Variants in HLCS observed in about 807,000 individuals in gnomAD.
The protein encoded by HLCS is holocarboxylase synthetase.
In HLCS, 53 loss-of-function variants were observed where a neutral mutation model predicts 75.0. That is an observed-to-expected ratio of 0.71 (90% CI 0.57 to 0.89). The LOEUF (loss-of-function observed/expected upper bound fraction) is 0.89, where lower values mean the gene tolerates loss of function less well. HLCS is among the 40% of genes least tolerant of loss of function. The pLI, the probability that HLCS is intolerant of heterozygous loss-of-function variation, is 0.00. For missense variants in HLCS, 966 were observed against 1,074.0 expected, an observed-to-expected ratio of 0.90 and a Z score of 1.41; for synonymous variants, 431 against 428.6, an observed-to-expected ratio of 1.01 and a Z score of -0.07.
At chr21:36,767,146 G>C in intron 7 of HLCS, 72 bp downstream of exon 7, 1 of 1,440,072 alleles carries the variant, frequency 6.9e-7, no homozygotes, top group African/African-American at 1.4e-5. Flanking sequence ...ACATTCAATG[G>C]GCTCCTGGGC....
At chr21:36,826,690 C>T (rs923511094) in intron 6 of HLCS, among the ~76,000 whole-genome samples, 2 of 152,164 alleles carry the variant, frequency 1.3e-5, no homozygotes, top group Non-Finnish European at 2.9e-5. Flanking sequence ...TTACAATTCA[C>T]GCTATGCACT....
intron 1 of HLCS, among the ~76,000 whole-genome samples, chr21:36,980,026 CAAAAAAAAAAAAA>C (rs71198844): frequency 1.1e-3 from 62 of 55,122 alleles, no homozygotes; most frequent in Non-Finnish European, 1.5e-3. Flanking sequence ...GTCCCCATCT[CAAAAAAAAAAAAA>C]AAAAAAAAAA....
At chr21:36,982,941 T>C (rs1329827152) in intron 1 of HLCS, among the ~76,000 whole-genome samples, 1 of 152,046 alleles carries the variant, frequency 6.6e-6, no homozygotes, top group Admixed American at 6.5e-5. Context: ...AGGCAGAGAA[T>C]TGCTTAAACC....
chr21:36,883,675 G>C (rs145782543), intron 6 of HLCS, among the ~76,000 whole-genome samples: 117 of 152,210 alleles, frequency 7.7e-4, no homozygotes, highest in African/African-American at 2.6e-3. Flanking sequence ...CGCTGTGTGG[G>C]GAAAGCACCT....
intron 6 of HLCS, among the ~76,000 whole-genome samples, chr21:36,852,594 C>A (rs986089786): frequency 6.6e-6 from 1 of 152,180 alleles, no homozygotes; most frequent in Non-Finnish European, 1.5e-5. Flanking sequence ...AAACAGAGTT[C>A]TTTCTCCAAA....
At chr21:36,934,114 C>G (rs1000068343) in intron 4 of HLCS, among the ~76,000 whole-genome samples, 1 of 152,182 alleles carries the variant, frequency 6.6e-6, no homozygotes. Context: ...TTGTACTCCT[C>G]GTCCACAGAG....
rs762284724 is a variant in HLCS, at chr21:36,842,668, G to A, written c.1892+54192C>T. 4.9e-4 allele frequency among the ~76,000 whole-genome samples: 74 copies of A among 149,866 alleles called. No homozygotes were observed. The highest frequency in any genetic ancestry group is 3.4e-3 in the Middle Eastern group (1 of 294). The stretch of plus-strand genomic sequence containing the variant: ...TGAGGCACGAGAATTGCTTGAACCC[G>A]GGAGGTGGAGGTTGCAGTAAGCCAA... On this transcript the variant is annotated intron_variant, in intron 6 of 10. Transcript: ENST00000674895. This position sits in a 1 kb window ranked among gnomAD's most constrained non-coding sequence, Gnocchi z 4.2.
At chr21:36,841,620 T>C (rs953135136) in intron 6 of HLCS, among the ~76,000 whole-genome samples, 1 of 152,224 alleles carries the variant, frequency 6.6e-6, no homozygotes, top group African/African-American at 2.4e-5. Context: ...AGTATCATCT[T>C]GGGCAAAACA....
Position 36,888,467 on chromosome 21 carries a change from TA to T in HLCS, c.1892+8392del, listed in dbSNP as rs1569149723. 8.9e-4 allele frequency among the ~76,000 whole-genome samples: 56 copies of T among 62,814 alleles called. 3 individuals are homozygous for T. Among genetic ancestry groups the T allele is most frequent in the African/African-American group, 2.8e-3 (53 of 19,132 alleles). 41.2% of individuals were successfully genotyped at this position (62,814 alleles called of 152,430 possible). On this transcript the variant is annotated intron_variant, in intron 6 of 10. Coordinates refer to ENST00000674895, the MANE Select transcript of HLCS (RefSeq NM_001352514.2). Reference sequence around the variant, plus strand: ...AAAAATATATATATATATATATATATATATATATATATATATATATATATAT... The same window carrying T: ...AAAAATATATATATATATATATATATTATATATATATATATATATATATAT...
intron 6 of HLCS, among the ~76,000 whole-genome samples, chr21:36,833,306 C>T (rs560792198): frequency 6.7e-6 from 1 of 149,972 alleles, no homozygotes; most frequent in South Asian, 2.2e-4. Flanking sequence ...TAGGATTGGC[C>T]GGGTGCAATG....
rs913844673 is a variant in HLCS at position 36,897,013 on chromosome 21, G to T, written c.1739C>A (p.Thr580Asn). 6.2e-7 allele frequency: 1 copy of T among 1,614,040 alleles called. No individual in the cohort carries two copies. Among genetic ancestry groups the T allele is most frequent in the Non-Finnish European group, 8.5e-7 (1 of 1,180,020 alleles). Reference protein sequence around the residue: ...VSSYVSEVEITPSCIPVVTNM... With the variant: ...VSSYVSEVEINPSCIPVVTNM... Reference sequence around the variant, plus strand: ...GGTCACCACAGGTATACAAGATGGGGTTATTTCTACTTCAGACACGTAGGA... The same window carrying T: ...GGTCACCACAGGTATACAAGATGGGTTTATTTCTACTTCAGACACGTAGGA... The change falls in exon 6 of 11, where the codon ACC becomes AAC. Residue 580 changes from threonine (T) to asparagine (N), a missense_variant. By Grantham distance (65) the Thr-to-Asn change is moderately conservative. Transcript: ENST00000674895.
intron 2 of HLCS, among the ~76,000 whole-genome samples, chr21:36,953,931 T>C (rs1015612535): frequency 8.5e-5 from 13 of 152,222 alleles, no homozygotes; most frequent in Admixed American, 2.0e-4. Flanking sequence ...TCTAATGACA[T>C]TGTAGTACAG....
chr21:36,755,269 C>A (rs2089518896), intron 10 of HLCS, among the ~76,000 whole-genome samples: 1 of 151,882 alleles, frequency 6.6e-6, no homozygotes, highest in Admixed American at 6.6e-5. Flanking sequence ...GGCCGTGTGG[C>A]ACACTCCTAT....
intron 1 of HLCS, among the ~76,000 whole-genome samples, chr21:36,978,313 T>C (rs2069000127): frequency 6.6e-6 from 1 of 151,978 alleles, no homozygotes; most frequent in South Asian, 2.1e-4. Flanking sequence ...CTGGCCAACA[T>C]GGTGAAACCC....
intron 2 of HLCS, among the ~76,000 whole-genome samples, chr21:36,958,896 CAAT>C (rs1601882250): frequency 6.6e-6 from 1 of 152,262 alleles, no homozygotes; most frequent in East Asian, 1.9e-4. Flanking sequence ...TTCAAAATGG[CAAT>C]AATAATAATG....
At chr21:36,804,051 A>G (rs1333401688) in intron 6 of HLCS, 1 of 152,412 alleles carries the variant, frequency 6.6e-6, no homozygotes, top group African/African-American at 2.4e-5. Context: ...GTCAATAAAG[A>G]ATGAAGCTTA....
At chr21:36,777,435 G>A (rs1186675060) in intron 6 of HLCS, among the ~76,000 whole-genome samples, 1 of 152,224 alleles carries the variant, frequency 6.6e-6, no homozygotes, top group Non-Finnish European at 1.5e-5. Context: ...TCGGCCCAAG[G>A]GCCAAACTTT....
chr21:36,902,828 C>T (rs957998006), intron 5 of HLCS, among the ~76,000 whole-genome samples: 4 of 151,982 alleles, frequency 2.6e-5, no homozygotes, highest in African/African-American at 9.7e-5. Flanking sequence ...GTGAGAAGTC[C>T]GCATGATTTT....
chr21:36,826,114 TG>T (rs1018421125), intron 6 of HLCS, among the ~76,000 whole-genome samples: 3 of 152,112 alleles, frequency 2.0e-5, no homozygotes, highest in African/African-American at 7.2e-5. Flanking sequence ...GTAACAAAGA[TG>T]GGAAATCTAT....
Sources: gnomAD v4.1 joint callset for allele counts (sites outside exome capture counted in the v4.1 genomes callset) on GRCh38, gnomAD v4.1.1 for gene constraint, Gnocchi (gnomAD v3.1) non-coding constraint, MANE v1.5 for transcripts, NCBI Gene and HGNC (gene_info 2026-07-23, HGNC 2026-07-21) for gene names.